NRXN1: variants seen among roughly 807,000 people sequenced by gnomAD.
NRXN1 encodes neurexin-1.
NRXN1 carries 39 observed loss-of-function variants against 150.9 expected under a neutral mutation model. The observed-to-expected ratio is 0.26, with a 90% CI of 0.20 to 0.34. The LOEUF (loss-of-function observed/expected upper bound fraction) is 0.34, where lower values mean the gene tolerates loss of function less well. NRXN1 is among the 10% of genes least tolerant of loss of function. NRXN1 has a pLI of 1.00. For missense variants in NRXN1, 1,815 were observed against 1,949.9 expected, an observed-to-expected ratio of 0.93 and a Z score of 1.30; for synonymous variants, 924 against 757.0, an observed-to-expected ratio of 1.22 and a Z score of -3.62.
intron 18 of NRXN1, among the ~76,000 whole-genome samples, chr2:50,178,431 C>A (rs892676408): frequency 6.6e-6 from 1 of 151,982 alleles, no homozygotes; most frequent in African/African-American, 2.4e-5. Context: ...TCAATTCTTG[C>A]CAACTTTTTC....
rs376919304 is a variant in NRXN1, at chr2:50,638,244, G to T, written c.833-14629C>A. Among the ~76,000 whole-genome samples, 11 of 152,050 alleles carry T rather than the reference G, an allele frequency of 7.2e-5. No individual in the cohort carries two copies. The East Asian group carries it at 9.7e-4, about 13-fold the overall frequency. On this transcript the variant is annotated intron_variant, in intron 5 of 22. Transcript: ENST00000401669. ...ACCCACTTCCACTTTAACAATATTG[G>T]GGTGGATCTCTTGCTAACATATTAT...
intron 8 of NRXN1, among the ~76,000 whole-genome samples, chr2:50,566,484 A>G (rs1367198276): frequency 6.8e-6 from 1 of 147,498 alleles, no homozygotes; most frequent in African/African-American, 2.5e-5. Flanking sequence ...GAAATGCATG[A>G]CCTCTGGTGA....
At chr2:50,573,161 G>T (rs1670904672) in intron 8 of NRXN1, among the ~76,000 whole-genome samples, 1 of 152,058 alleles carries the variant, frequency 6.6e-6, no homozygotes, top group African/African-American at 2.4e-5. Flanking sequence ...CTTGAGCTCA[G>T]GAGTTCGAGA....
At chr2:50,577,290 T>G (rs779096910) in intron 8 of NRXN1, among the ~76,000 whole-genome samples, 1 of 152,100 alleles carries the variant, frequency 6.6e-6, no homozygotes, top group Non-Finnish European at 1.5e-5. Context: ...AAAGAAAATG[T>G]TGTTAATCTG....
intron 18 of NRXN1, among the ~76,000 whole-genome samples, chr2:50,129,431 C>A (rs1705133198): frequency 6.6e-6 from 1 of 151,994 alleles, no homozygotes; most frequent in African/African-American, 2.4e-5. Flanking sequence ...TTTTTCTCCA[C>A]ATGGAAAATA....
chr2:50,513,835 A>G (rs2092544772), intron 12 of NRXN1, among the ~76,000 whole-genome samples: 1 of 152,168 alleles, frequency 6.6e-6, no homozygotes, highest in African/African-American at 2.4e-5. Flanking sequence ...AAAAACCCAT[A>G]GCAGTTATAT....
chr2:50,759,931 A>G (rs960516624), intron 5 of NRXN1, among the ~76,000 whole-genome samples: 1 of 151,156 alleles, frequency 6.6e-6, no homozygotes, highest in Non-Finnish European at 1.5e-5. Flanking sequence ...TATACCTAGT[A>G]CCACCAGTTA....
intron 9 of NRXN1, among the ~76,000 whole-genome samples, chr2:50,551,071 AGAAGAGGAGGAGGAG>A (rs1667428913): frequency 7.6e-6 from 1 of 130,940 alleles, no homozygotes; most frequent in Non-Finnish European, 1.6e-5. Flanking sequence ...AAGAAGAAGA[AGAAGAGGAGGAGGAG>A]GAGGAGGAGG....
intron 9 of NRXN1, among the ~76,000 whole-genome samples, chr2:50,544,969 T>C (rs1042566482): frequency 1.4e-4 from 21 of 152,164 alleles, no homozygotes; most frequent in African/African-American, 5.1e-4. Flanking sequence ...ACACAGTAAT[T>C]GGTAAACTAT....
At chr2:50,328,503 G>C (rs1040495938) in intron 17 of NRXN1, among the ~76,000 whole-genome samples, 1 of 152,182 alleles carries the variant, frequency 6.6e-6, no homozygotes, top group South Asian at 2.1e-4. Context: ...TTGGGAGGCC[G>C]AAGTGGGTGA....
chr2:50,329,356 GT>G (rs1014362454), intron 17 of NRXN1, among the ~76,000 whole-genome samples: 14 of 149,634 alleles, frequency 9.4e-5, no homozygotes, highest in Admixed American at 2.0e-4. Context: ...AACGATGAGG[GT>G]TTTTTTTTCT....
At chr2:50,527,682 T>G (rs2092992806) in intron 12 of NRXN1, among the ~76,000 whole-genome samples, 1 of 152,284 alleles carries the variant, frequency 6.6e-6, no homozygotes, top group South Asian at 2.1e-4. Context: ...AGACCTCTAT[T>G]TGTTCCTCAG....
At chr2:49,984,155 A>C (rs904733674) in intron 21 of NRXN1, among the ~76,000 whole-genome samples, 1 of 152,136 alleles carries the variant, frequency 6.6e-6, no homozygotes, top group African/African-American at 2.4e-5. Context: ...CAATAGAGTG[A>C]GACCTGGTTT....
chr2:50,170,756 CGTGTGTGTGTGTGTGTGTGT>C (rs58130457), intron 18 of NRXN1, among the ~76,000 whole-genome samples: 1 of 143,108 alleles, frequency 7.0e-6, no homozygotes, highest in Non-Finnish European at 1.5e-5. Context: ...CTCTGTCTGT[CGTGTGTGTGTGTGTGTGTGT>C]GTGTGTGTGT....
intron 19 of NRXN1, among the ~76,000 whole-genome samples, chr2:50,066,652 T>C (rs189467018): frequency 1.6e-4 from 25 of 152,084 alleles, no homozygotes; most frequent in African/African-American, 6.0e-4. Context: ...TCTCAAAATA[T>C]AATTACAAGT....
chr2:50,364,567 T>G (rs2153012832), intron 17 of NRXN1, among the ~76,000 whole-genome samples: 1 of 152,272 alleles, frequency 6.6e-6, no homozygotes, highest in Non-Finnish European at 1.5e-5. Context: ...TCTCTCCTGC[T>G]TCTCTCCTGT....
At chr2:50,397,707 A>T (rs1273925519) in intron 17 of NRXN1, among the ~76,000 whole-genome samples, 3 of 152,154 alleles carry the variant, frequency 2.0e-5, no homozygotes, top group African/African-American at 7.2e-5. Context: ...GTCAGTAAAA[A>T]GGATAGGCTC....
intron 17 of NRXN1, among the ~76,000 whole-genome samples, chr2:50,397,162 T>C (rs956556798): frequency 6.6e-6 from 1 of 152,176 alleles, no homozygotes; most frequent in East Asian, 1.9e-4. Flanking sequence ...ATTCTGGCCC[T>C]GTGAAGAAAC....
intron 18 of NRXN1, among the ~76,000 whole-genome samples, chr2:50,232,193 C>T (rs1477111562): frequency 6.6e-6 from 1 of 151,874 alleles, no homozygotes; most frequent in Non-Finnish European, 1.5e-5. Flanking sequence ...CTAGCTTGTT[C>T]ATTCATTCAT....
Sources: gnomAD v4.1 joint callset for allele counts (sites outside exome capture counted in the v4.1 genomes callset) on GRCh38, gnomAD v4.1.1 for gene constraint, MANE v1.5 for transcripts, NCBI Gene and HGNC (gene_info 2026-07-23, HGNC 2026-07-21) for gene names.